The following TNC variants were observed in gnomAD, a reference collection of about 807,000 sequenced individuals.
The protein encoded by TNC is tenascin C.
Under a neutral mutation model 202.4 loss-of-function variants are expected in TNC, and 109 were observed. That is an observed-to-expected ratio of 0.54 (90% CI 0.46 to 0.63). TNC has a LOEUF of 0.63. Ranked by LOEUF, TNC falls within the 30% of genes least tolerant of loss-of-function variation. The probability of loss-of-function intolerance (pLI) is 0.00; values close to 1 mark genes in which losing one functional copy is unlikely to be tolerated. For synonymous variants in TNC, 1,007 were observed against 1,089.7 expected (o/e 0.92, Z 1.50); for missense variants, 2,756 against 2,833.3 (o/e 0.97, Z 0.62).
intron 18 of TNC, among the ~76,000 whole-genome samples, chr9:115,041,307 GGC>G (rs386737886): frequency 6.9e-6 from 1 of 145,296 alleles, no homozygotes; most frequent in East Asian, 2.0e-4. Context: ...AGCCAGGAGG[GGC>G]GGGGGAAAAC....
chr9:115,093,315 A>G (rs1182978176), intron 1 of TNC, among the ~76,000 whole-genome samples: 1 of 152,218 alleles, frequency 6.6e-6, no homozygotes, highest in Non-Finnish European at 1.5e-5. Flanking sequence ...AAAACAAAAC[A>G]AAAACAACAA....
At position 115,090,830 on chromosome 9, in the gene TNC, C is replaced by G. The variant is rs974501960; in HGVS notation, c.189G>C (p.Gln63His). The change falls in exon 2 of 28, where the codon CAG becomes CAC. Residue 63 changes from glutamine to histidine, a missense_variant. Gln to His is a conservative substitution (Grantham distance 24, BLOSUM62 0). Transcript: ENST00000350763. ...VYNIKLPVGS[Q>H]CSVDLESASG... The stretch of plus-strand genomic sequence containing the variant: ...TGGCTGACTCCAGATCCACCGAACA[C>G]TGGGATCCCACTGGCAGCTTGATGT... The G allele has an allele frequency of 2.5e-6, 4 of 1,614,210 alleles. No individual in the cohort carries two copies. In the South Asian group the frequency reaches 3.3e-5, roughly 13 times the overall value.
Position 115,030,392 on chromosome 9 carries a change from G to T in TNC, c.5934C>A (p.Tyr1978Ter). Residue 1978 changes from tyrosine (Y) to a stop codon, truncating the protein, a stop_gained, in exon 24 of 28, where the codon TAC (tyrosine) becomes TAA (stop). Transcript: ENST00000350763. LOFTEE classifies it high-confidence loss of function. The stretch of plus-strand genomic sequence containing the variant: ...CTTGGGAGCAGTCCTTGGGGAAGGG[G>T]TACAGGAGTCCAACTGTGGAATAAG... ...QTIFTTIGLL[Y>*]PFPKDCSQAM... The T allele has an allele frequency of 6.2e-7, 1 of 1,613,246 alleles. No homozygotes were observed. Among genetic ancestry groups the T allele is most frequent in the Non-Finnish European group, 8.5e-7 (1 of 1,179,370 alleles).
chr9:115,066,394 T>A (rs72758648), intron 10 of TNC, among the ~76,000 whole-genome samples: 23,586 of 152,220 alleles, frequency 0.15, 1,966 homozygotes, highest in Non-Finnish European at 0.18. Flanking sequence ...TATTTATACT[T>A]CACATTGCTG....
intron 20 of TNC, among the ~76,000 whole-genome samples, chr9:115,036,909 C>T (rs574512630): frequency 2.6e-5 from 4 of 152,234 alleles, no homozygotes; most frequent in East Asian, 3.9e-4. Context: ...ACCAGGCAAG[C>T]GGGGACAAGT....
chr9:115,056,427 T>G (rs1453581403), intron 15 of TNC, among the ~76,000 whole-genome samples: 2 of 152,230 alleles, frequency 1.3e-5, no homozygotes, highest in Non-Finnish European at 1.5e-5. Context: ...TCTGACTTAG[T>G]GCACATCTCA....
At chr9:115,099,979 T>C (rs1564145494) in intron 1 of TNC, among the ~76,000 whole-genome samples, 1 of 152,222 alleles carries the variant, frequency 6.6e-6, no homozygotes, top group Non-Finnish European at 1.5e-5. Flanking sequence ...CTATCTCTTC[T>C]AACTCAGTAG....
intron 27 of TNC, among the ~76,000 whole-genome samples, chr9:115,021,829 G>C (rs879275475): frequency 6.6e-6 from 1 of 152,008 alleles, no homozygotes; most frequent in Non-Finnish European, 1.5e-5. Context: ...TCTGAGCCTC[G>C]GTTTTACTAT....
Position 115,063,829 on chromosome 9 carries a change from T to C in TNC, c.3727A>G (p.Ser1243Gly), listed in dbSNP as rs1421638152. The change falls in exon 12 of 28, where the codon AGC (serine) becomes GGC (glycine). Residue 1243 changes from serine to glycine, a missense_variant. Ser to Gly is a moderately conservative substitution (Grantham distance 56, BLOSUM62 0). Transcript: ENST00000350763. ...ACTTCAACAGAGAGAGGGGTTGTGC[T>C]GAAGTCCTGAGTGACCCCGCGGATG... ...ITIRGVTQDF[S>G]TTPLSVEVLT... The C allele has an allele frequency of 3.1e-6, 5 of 1,614,078 alleles. No homozygotes were observed. The highest frequency in any genetic ancestry group is 4.2e-6 in the Non-Finnish European group (5 of 1,179,936).
chr9:115,115,776 A>G (rs1281022049), intron 1 of TNC, among the ~76,000 whole-genome samples: 1 of 152,164 alleles, frequency 6.6e-6, no homozygotes, highest in East Asian at 1.9e-4. Context: ...GCTTTTTGTC[A>G]TTGAAGATTC....
intron 15 of TNC, among the ~76,000 whole-genome samples, chr9:115,054,368 G>A (rs1257740227): frequency 1.3e-5 from 2 of 152,324 alleles, no homozygotes; most frequent in Middle Eastern, 3.4e-3. Flanking sequence ...AGGTAACAAT[G>A]CAATCATTTG....
intron 25 of TNC, among the ~76,000 whole-genome samples, chr9:115,027,762 A>G (rs1829625687): frequency 6.6e-6 from 1 of 152,122 alleles, no homozygotes; most frequent in African/African-American, 2.4e-5. Context: ...GATTGCATGG[A>G]TGAATGGATG....
At chr9:115,040,908 C>CACAT (rs2131946561) in intron 19 of TNC, 33 bp downstream of exon 19, 2 of 1,072,952 alleles carry the variant, frequency 1.9e-6, no homozygotes, top group Non-Finnish European at 2.6e-6. Flanking sequence ...AAAATAGTAA[C>CACAT]ACACACACAC....
chr9:115,048,549 G>A lies in TNC; in HGVS notation c.4580-17C>T, dbSNP rs377507721. The A allele has an allele frequency of 7.2e-5, 116 of 1,603,418 alleles. 1 individual carries two copies. In the African/African-American group the frequency reaches 1.4e-3, roughly 20 times the overall value. On this transcript the variant is annotated splice_polypyrimidine_tract_variant and intron_variant, in intron 15 of 27. Coordinates refer to ENST00000350763, the MANE Select transcript of TNC (RefSeq NM_002160.4). ...GCAGGGCCTCTGAAAGAAGGGAGGA[G>A]TGAAAATAACTCAGGTTAGCAGCAC...
rs16932096 is a variant in TNC, at chr9:115,041,101, G to C, written c.5249-17C>G. Reference sequence around the variant, plus strand: ...AGGGTGTACCTGGAACACAGTAAAAGCAAGATGAGGAATAATGAACCTCAC... The same window carrying C: ...AGGGTGTACCTGGAACACAGTAAAACCAAGATGAGGAATAATGAACCTCAC... On this transcript the variant is annotated splice_polypyrimidine_tract_variant and intron_variant, in intron 18 of 27. Transcript: ENST00000350763. The C allele has an allele frequency of 3.3e-3, 5,340 of 1,599,696 alleles. 168 individuals carry two copies. The African/African-American group carries it at 0.062, about 19-fold the overall frequency.
chr9:115,086,943 C>A lies in TNC; in HGVS notation c.788G>T (p.Cys263Phe). Residue 263 changes from cysteine (C) to phenylalanine (F), a missense_variant, in exon 3 of 28, where the codon TGT becomes TTT. Transcript: ENST00000350763. ...GTGGCACACACACAAGCCATCTACACATGTGCCGTGCTCCTCACTGCAGGG... is the reference window on the plus strand; with the variant it reads ...GTGGCACACACACAAGCCATCTACAAATGTGCCGTGCTCCTCACTGCAGGG... ...PVPCSEEHGT[C>F]VDGLCVCHDG... 6.2e-7 allele frequency: 1 copy of A among 1,614,230 alleles called. No individual in the cohort carries two copies. The highest frequency in any genetic ancestry group is 8.5e-7 in the Non-Finnish European group (1 of 1,180,052).
In TNC at chr9:115,090,665, A is replaced by G. The variant is rs183635420; in HGVS notation, c.354T>C (p.Asp118=). The G allele has an allele frequency of 5.0e-6, 8 of 1,613,938 alleles. No individual in the cohort carries two copies. Among genetic ancestry groups the G allele is most frequent in the Non-Finnish European group, 6.8e-6 (8 of 1,179,942 alleles). Reference sequence around the variant, plus strand: ...CCAGTCTGCTCAGCAGCTCCTTAACATCAGGGGCTGCGGCACAGCCACAGG... The same window carrying G: ...CCAGTCTGCTCAGCAGCTCCTTAACGTCAGGGGCTGCGGCACAGCCACAGG... ...RRACGCAAAP[D]VKELLSRLEE... The change falls in exon 2 of 28, where the codon GAT becomes GAC. Residue 118 remains aspartate (D), a synonymous_variant. Transcript: ENST00000350763.
chr9:115,064,746 C>T lies in TNC; in HGVS notation c.3388G>A (p.Asp1130Asn), dbSNP rs774153233. ...LTVPGSLRAV[D>N]IPGLKAATPY... ...GTAGCAGCCTTGAGGCCCGGTATGT[C>T]CACAGCCCGAAGGCTGCCAGGCACG... is the stretch of plus-strand genomic sequence containing the variant. Residue 1130 changes from aspartate to asparagine, a missense_variant, in exon 11 of 28, where the codon GAC (aspartate) becomes AAC (asparagine). Around this residue, in one of 2 missense-constraint regions of TNC, gnomAD observed 2,559 missense variants for 2,546.0 expected, o/e 1.01. Coordinates refer to ENST00000350763, the MANE Select transcript of TNC (RefSeq NM_002160.4). 6.2e-7 allele frequency: 1 copy of T among 1,614,022 alleles called. No homozygotes were observed. The highest frequency in any genetic ancestry group is 2.2e-5 in the East Asian group (1 of 44,894).
rs749678524 is a variant in TNC at position 115,063,906 on chromosome 9, A to C, written c.3650T>G (p.Leu1217Arg). 8.1e-6 allele frequency: 13 copies of C among 1,614,196 alleles called. No individual in the cohort carries two copies. In the South Asian group the frequency reaches 1.4e-4, roughly 18 times the overall value. The change falls in exon 12 of 28, where the codon CTG becomes CGG. Residue 1217 changes from leucine (L) to arginine (R), a missense_variant. Leu to Arg is a moderately radical substitution (Grantham distance 102). Around this residue, in one of 2 missense-constraint regions of TNC, gnomAD observed 2,559 missense variants for 2,546.0 expected, o/e 1.01. Coordinates refer to ENST00000350763, the MANE Select transcript of TNC (RefSeq NM_002160.4). ...AAQNLTVPGGLRSTDLPGLKA... is the reference protein window; with the variant it reads ...AAQNLTVPGGRRSTDLPGLKA... ...GAGCCCAGGCAGGTCTGTGGACCTC[A>C]GTCCTCCTGGGACGGTGAGGTTCTG...
Sources: allele counts gnomAD v4.1 joint callset (sites outside exome capture counted in the v4.1 genomes callset), GRCh38; gene constraint gnomAD v4.1.1; regional missense constraint gnomAD v4.1.1; transcripts MANE v1.5; gene names NCBI Gene and HGNC (gene_info 2026-07-23, HGNC 2026-07-21).